Variants in LRP1B observed in about 807,000 individuals in gnomAD.
LRP1B encodes LDL receptor related protein 1B.
A neutral mutation model predicts 556.6 loss-of-function variants in LRP1B; 217 were observed. The observed-to-expected ratio is 0.39, with a 90% CI of 0.35 to 0.44. The LOEUF is 0.44. Ranked by LOEUF, LRP1B falls within the 20% of genes least tolerant of loss-of-function variation. The probability of loss-of-function intolerance (pLI) is 1.00; values close to 1 mark genes in which losing one functional copy is unlikely to be tolerated. For synonymous variants in LRP1B, 2,047 were observed against 1,865.8 expected (o/e 1.10, Z -2.50); for missense variants, 5,053 against 5,620.8 (o/e 0.90, Z 3.23).
intron 2 of LRP1B, among the ~76,000 whole-genome samples, chr2:141,481,519 C>A (rs543828819): frequency 2.0e-5 from 3 of 152,120 alleles, no homozygotes; most frequent in African/African-American, 7.2e-5. Context: ...CGAATCCATG[C>A]GACATTAATT....
intron 7 of LRP1B, among the ~76,000 whole-genome samples, chr2:141,090,982 G>A (rs1558853867): frequency 6.6e-6 from 1 of 152,144 alleles, no homozygotes; most frequent in African/African-American, 2.4e-5. Context: ...TCTAGTTTCT[G>A]ATAACATTAA....
At chr2:141,574,495 G>T (rs1338409217) in intron 2 of LRP1B, among the ~76,000 whole-genome samples, 1 of 151,140 alleles carries the variant, frequency 6.6e-6, no homozygotes, top group Non-Finnish European at 1.5e-5. Context: ...GTATCATTCA[G>T]TATCATATTG....
At chr2:140,829,067 A>G (rs1000408248) in intron 31 of LRP1B, among the ~76,000 whole-genome samples, 3 of 152,176 alleles carry the variant, frequency 2.0e-5, no homozygotes, top group Non-Finnish European at 4.4e-5. Flanking sequence ...AGATTAATTC[A>G]GTAGTAGGAT....
chr2:141,667,244 C>T (rs1404989344), intron 2 of LRP1B, among the ~76,000 whole-genome samples: 6 of 152,082 alleles, frequency 3.9e-5, no homozygotes, highest in Admixed American at 6.5e-5. Flanking sequence ...ATGAAAATAA[C>T]AAGAGCATCT....
chr2:141,948,755 T>C (rs1043310969), intron 1 of LRP1B, among the ~76,000 whole-genome samples: 1 of 152,078 alleles, frequency 6.6e-6, no homozygotes, highest in African/African-American at 2.4e-5. Context: ...AAGTAAAATT[T>C]ACTATGAGAA....
At chr2:141,002,235 A>T (rs942690212) in intron 15 of LRP1B, among the ~76,000 whole-genome samples, 2 of 152,090 alleles carry the variant, frequency 1.3e-5, no homozygotes, top group Admixed American at 6.6e-5. Context: ...AAGAAAAAAA[A>T]ACCTTACTAG....
chr2:140,842,831 T>C (rs1315026377), intron 29 of LRP1B, among the ~76,000 whole-genome samples: 1 of 152,106 alleles, frequency 6.6e-6, no homozygotes, highest in African/African-American at 2.4e-5. Flanking sequence ...CTTAAATGTC[T>C]TTTAGTCTTT....
rs181614047 is a variant in LRP1B at position 141,241,084 on chromosome 2, T to C, written c.592+6142A>G. Among the ~76,000 whole-genome samples the C allele has an allele frequency of 1.5e-3, 235 of 152,172 alleles. 2 individuals carry two copies. The highest frequency in any genetic ancestry group is 0.012 in the South Asian group (56 of 4,822). On this transcript the variant is annotated intron_variant, in intron 5 of 90. Coordinates refer to ENST00000389484, the MANE Select transcript of LRP1B (RefSeq NM_018557.3). ...ATGAGGAGATTTTGTACCCCAGCAC[T>C]GACATACTCATTAACAGTGTTTGGA...
chr2:141,885,168 T>C (rs1699071391), intron 1 of LRP1B, among the ~76,000 whole-genome samples: 2 of 152,224 alleles, frequency 1.3e-5, no homozygotes, highest in Non-Finnish European at 2.9e-5. Flanking sequence ...TTGACAATAA[T>C]AGCAGCCTGG....
At chr2:141,003,530 T>C (rs1697484967) in intron 15 of LRP1B, among the ~76,000 whole-genome samples, 1 of 152,074 alleles carries the variant, frequency 6.6e-6, no homozygotes, top group Non-Finnish European at 1.5e-5. Context: ...GTTCTCATGA[T>C]AATGAATAAG....
intron 2 of LRP1B, among the ~76,000 whole-genome samples, chr2:141,515,476 T>A (rs1267456192): frequency 6.6e-6 from 1 of 152,192 alleles, no homozygotes; most frequent in East Asian, 1.9e-4. Context: ...TTTTGCATTT[T>A]TATTTGCTGG....
intron 3 of LRP1B, among the ~76,000 whole-genome samples, chr2:141,369,258 TAATCAAAACAGTG>T (rs1252299134): frequency 2.0e-5 from 3 of 152,176 alleles, no homozygotes; most frequent in Admixed American, 6.5e-5. Context: ...TTAAGTTTTC[TAATCAAAACAGTG>T]AGAAAATTTG....
chr2:140,256,508 C>T (rs1333658550), intron 86 of LRP1B, among the ~76,000 whole-genome samples: 6 of 99,564 alleles, frequency 6.0e-5, no homozygotes, highest in East Asian at 3.5e-4. Flanking sequence ...CTTGCTTTGT[C>T]GTCAGGCTGG....
chr2:140,258,707 T>C (rs1681804357), intron 86 of LRP1B, among the ~76,000 whole-genome samples: 1 of 152,108 alleles, frequency 6.6e-6, no homozygotes, highest in African/African-American at 2.4e-5. Flanking sequence ...AAGAGACAGA[T>C]GTCATTAGCA....
intron 7 of LRP1B, among the ~76,000 whole-genome samples, chr2:141,152,530 A>C (rs1701949340): frequency 6.6e-6 from 1 of 151,964 alleles, no homozygotes; most frequent in Non-Finnish European, 1.5e-5. Context: ...GAACAGAATG[A>C]AAGACATCTT....
intron 2 of LRP1B, among the ~76,000 whole-genome samples, chr2:141,545,660 A>G (rs144769853): frequency 6.5e-4 from 99 of 152,258 alleles, no homozygotes; most frequent in African/African-American, 2.3e-3. Flanking sequence ...GCCTGGAAAC[A>G]TAGTGAGAGC....
chr2:140,601,550 T>C lies in LRP1B; in HGVS notation c.6889A>G (p.Thr2297Ala), dbSNP rs773577002. ...SSTTSSITRH[T>A]VDQTRPGAFD... ...GCTCCAGGCCGAGTCTGGTCCACAG[T>C]GTGTCTGGTGATGGATGAGGTGGTA... Residue 2297 changes from threonine (T) to alanine (A), a missense_variant, in exon 42 of 91, where the codon ACT (threonine) becomes GCT (alanine). Thr to Ala is a moderately conservative substitution (Grantham distance 58, BLOSUM62 0). Transcript: ENST00000389484. The C allele has an allele frequency of 2.5e-6, 4 of 1,613,232 alleles. No homozygotes were observed. Among genetic ancestry groups the C allele is most frequent in the Non-Finnish European group, 3.4e-6 (4 of 1,179,502 alleles).
chr2:140,923,752 T>G (rs569829373), intron 20 of LRP1B, among the ~76,000 whole-genome samples: 227 of 151,974 alleles, frequency 1.5e-3, no homozygotes, highest in Non-Finnish European at 2.6e-3. Context: ...ATATAAGAAT[T>G]GAAATACTAG....
At chr2:142,018,014 A>G (rs903808660) in intron 1 of LRP1B, among the ~76,000 whole-genome samples, 2 of 151,162 alleles carry the variant, frequency 1.3e-5, no homozygotes, top group Non-Finnish European at 2.9e-5. Flanking sequence ...CCATGAACAC[A>G]TGATAGCAGG....
Sources: allele counts gnomAD v4.1 joint callset (sites outside exome capture counted in the v4.1 genomes callset), GRCh38; gene constraint gnomAD v4.1.1; transcripts MANE v1.5; gene names NCBI Gene and HGNC (gene_info 2026-07-23, HGNC 2026-07-21).